Variants in LIN7B observed in about 807,000 individuals in gnomAD.
The protein encoded by LIN7B is lin-7 cell polarity scaffold B, also known as protein lin-7 homolog B.
In LIN7B, 16 loss-of-function variants were observed where a neutral mutation model predicts 27.9. The observed-to-expected ratio is 0.57, with a 90% CI of 0.39 to 0.87. The LOEUF is 0.87. LIN7B is among the 40% of genes least tolerant of loss of function. The pLI is 0.00. For missense variants in LIN7B, 291 were observed against 288.5 expected (o/e 1.01, Z -0.06); for synonymous variants, 147 against 120.8 (o/e 1.22, Z -1.42).
chr19:49,114,724 T>TC, intron 1 of LIN7B, 125 bp from the exon 2 acceptor site: 2 of 532,048 alleles, frequency 3.8e-6, no homozygotes, highest in Non-Finnish European at 3.0e-6. Context: ...CTGCGGGGTG[T>TC]CCGACTAGGC....
intron 2 of LIN7B, 38 bp downstream of exon 2, chr19:49,115,005 CG>C: frequency 1.6e-6 from 2 of 1,276,686 alleles, no homozygotes; most frequent in Non-Finnish European, 2.1e-6. Flanking sequence ...AGCTGGTGGC[CG>C]TCGTCCTCCT....
intron 2 of LIN7B, 95 bp downstream of exon 2, chr19:49,115,062 C>A: frequency 1.0e-6 from 1 of 977,936 alleles, no homozygotes; most frequent in Non-Finnish European, 1.4e-6. Context: ...CGCCTCCCGG[C>A]AGCTCCCGAG....
intron 4 of LIN7B, among the ~76,000 whole-genome samples, chr19:49,117,228 AGAGT>A (rs936648992): frequency 6.9e-6 from 1 of 144,058 alleles, no homozygotes; most frequent in Non-Finnish European, 1.5e-5. Flanking sequence ...CGTGGGTGAC[AGAGT>A]GAGACTCCCT....
chr19:49,115,195 C>A, intron 2 of LIN7B, 65 bp from the exon 3 acceptor site: 2 of 1,444,498 alleles, frequency 1.4e-6, no homozygotes, highest in Non-Finnish European at 1.9e-6. Flanking sequence ...GTCTAGAGGC[C>A]TGAACTCCTG....
At chr19:49,116,507 A>T (rs761516312) in intron 4 of LIN7B, 35 bp downstream of exon 4, 4 of 1,583,910 alleles carry the variant, frequency 2.5e-6, no homozygotes, top group African/African-American at 1.3e-5. Flanking sequence ...TGGGGGACAC[A>T]GTCTGTCTAA....
intron 3 of LIN7B, 68 bp from the exon 4 acceptor site, chr19:49,116,195 A>G (rs1187323026): frequency 2.1e-6 from 3 of 1,429,184 alleles, no homozygotes; most frequent in African/African-American, 1.4e-5. Context: ...CTCGGTCCAC[A>G]TCCCCCACCC....
At chr19:49,115,902 C>T (rs1416211878) in intron 3 of LIN7B, 1 of 177,188 alleles carries the variant, frequency 5.6e-6, no homozygotes, top group Non-Finnish European at 1.2e-5. Context: ...GATTACAACT[C>T]CGGAGGCTGA....
intron 4 of LIN7B, 98 bp from the exon 5 acceptor site, chr19:49,117,757 G>C (rs982835240): frequency 9.5e-7 from 1 of 1,056,090 alleles, no homozygotes; most frequent in Admixed American, 1.8e-5. Context: ...ACATCTCAGG[G>C]CTGGCACCAG....
chr19:49,118,327 G>C lies in LIN7B; in HGVS notation c.603-25G>C, dbSNP rs776459386. ...TCTACCCGGAGCCTCCCTGATCCCGGGTCCCTTGTCCACCCCCCTTGCAGG... is the reference window on the plus strand; with the variant it reads ...TCTACCCGGAGCCTCCCTGATCCCGCGTCCCTTGTCCACCCCCCTTGCAGG... On this transcript the variant is annotated intron_variant, in intron 5 of 5. Transcript: ENST00000221459. 11 of 1,613,940 alleles carry C rather than the reference G, an allele frequency of 6.8e-6. No individual in the cohort carries two copies. The East Asian group carries it at 2.5e-4, about 36-fold the overall frequency.
intron 3 of LIN7B, 197 bp downstream of exon 3, chr19:49,115,528 C>G: frequency 1.7e-6 from 1 of 582,086 alleles, no homozygotes; most frequent in Non-Finnish European, 3.1e-6. Flanking sequence ...CAAATGGAAA[C>G]AGTATGGCAT....
rs560331733 is a variant in LIN7B, at chr19:49,117,255, A to C, written c.439-600A>C. ...AGTGAGACTCCCTCTCAAAAAAAAA[A>C]AAAAAAAACAAAACTCACTGTGGTT... On this transcript the variant is annotated intron_variant, in intron 4 of 5. Coordinates refer to ENST00000221459, the MANE Select transcript of LIN7B (RefSeq NM_022165.3). 2.1e-5 allele frequency among the ~76,000 whole-genome samples: 3 copies of C among 145,570 alleles called. No individual in the cohort carries two copies. The South Asian group carries it at 6.8e-4, about 33-fold the overall frequency.
rs757674546 is a variant in LIN7B, at chr19:49,117,875, TGAG to T, written c.460_462del (p.Glu154del). 6.2e-7 allele frequency: 1 copy of T among 1,612,940 alleles called. No individual in the cohort carries two copies. The highest frequency in any genetic ancestry group is 1.3e-5 in the African/African-American group (1 of 74,594). ...TGCAGAGCGTTGAGGGTGAGCAGCA[TGAG>T]AAGGCGGTGGAGCTGCTGAAGGCGG... is the stretch of plus-strand genomic sequence containing the variant. On this transcript the variant is annotated inframe_deletion, in exon 5 of 6. Transcript: ENST00000221459.
chr19:49,117,701 C>T (rs560096879), intron 4 of LIN7B, among the ~76,000 whole-genome samples, 154 bp from the exon 5 acceptor site: 1 of 152,230 alleles, frequency 6.6e-6, no homozygotes, highest in Admixed American at 6.5e-5. Flanking sequence ...GAGGAGGACA[C>T]TGAACCAGGA....
chr19:49,117,580 C>T (rs190505374), intron 4 of LIN7B, among the ~76,000 whole-genome samples: 8 of 151,486 alleles, frequency 5.3e-5, no homozygotes, highest in African/African-American at 1.7e-4. Context: ...TCAAGGCGGG[C>T]GGACATTAGT....
chr19:49,114,756 G>A, intron 1 of LIN7B, 93 bp from the exon 2 acceptor site: 1 of 714,030 alleles, frequency 1.4e-6, no homozygotes, highest in Non-Finnish European at 2.1e-6. Context: ...TCCCCGGACT[G>A]TGCGCTCGGC....
At chr19:49,116,561 A>T in intron 4 of LIN7B, 89 bp downstream of exon 4, 24 of 1,195,528 alleles carry the variant, frequency 2.0e-5, no homozygotes, top group South Asian at 2.8e-5. Flanking sequence ...ACACACACTG[A>T]GTGTTGTCTG....
intron 2 of LIN7B, 41 bp downstream of exon 2, chr19:49,115,008 C>T (rs1364320584): frequency 3.2e-6 from 4 of 1,257,918 alleles, no homozygotes; most frequent in Non-Finnish European, 3.2e-6. Flanking sequence ...TGGTGGCCGT[C>T]GTCCTCCTCC....
In LIN7B at chr19:49,114,839, C is replaced by A; in HGVS notation, c.38-10C>A. ...ACTCGGGGTTTCTGCGCCCCGCCCC[C>A]GCCCCGCAGACGTGTCCCGGGCGGT... On this transcript the variant is annotated splice_polypyrimidine_tract_variant and intron_variant, in intron 1 of 5. Coordinates refer to ENST00000221459, the MANE Select transcript of LIN7B (RefSeq NM_022165.3). 3 of 1,422,814 alleles carry A rather than the reference C, an allele frequency of 2.1e-6. No individual in the cohort carries two copies. The highest frequency in any genetic ancestry group is 2.8e-6 in the Non-Finnish European group (3 of 1,088,388). The allele number at this position is 1,422,814 out of a possible 1,614,324, so 88.1% of individuals were successfully genotyped here.
intron 4 of LIN7B, 37 bp from the exon 5 acceptor site, chr19:49,117,818 G>C: frequency 1.3e-6 from 2 of 1,587,604 alleles, no homozygotes; most frequent in South Asian, 1.1e-5. Flanking sequence ...CGAGGGCAGC[G>C]GGCCCCAGGC....
Sources: allele counts gnomAD v4.1 joint callset (sites outside exome capture counted in the v4.1 genomes callset), GRCh38; gene constraint gnomAD v4.1.1; transcripts MANE v1.5; gene names NCBI Gene and HGNC (gene_info 2026-07-23, HGNC 2026-07-21).